Variants in ITGB2 observed in about 807,000 individuals in gnomAD.
ITGB2 encodes the protein integrin subunit beta 2.
Under a neutral mutation model 86.8 loss-of-function variants are expected in ITGB2, and 56 were observed. The observed-to-expected ratio is 0.65, with a 90% confidence interval of 0.52 to 0.81. ITGB2 has a LOEUF of 0.81. ITGB2 is among the 30% of genes least tolerant of loss of function. The pLI is 0.00. For missense variants in ITGB2, 948 were observed against 1,061.2 expected, an observed-to-expected ratio of 0.89 and a Z score of 1.48; for synonymous variants, 457 against 450.4, an observed-to-expected ratio of 1.01 and a Z score of -0.19.
chr21:44,917,763 C>T (rs2084233049), intron 1 of ITGB2, among the ~76,000 whole-genome samples: 1 of 152,228 alleles, frequency 6.6e-6, no homozygotes, highest in African/African-American at 2.4e-5. Flanking sequence ...ACACAGAAAC[C>T]TCCACCACTC....
chr21:44,900,208 A>G, intron 7 of ITGB2, 112 bp downstream of exon 7: 1 of 1,410,180 alleles, frequency 7.1e-7, no homozygotes, highest in South Asian at 1.2e-5. Context: ...TTTCCTCAGG[A>G]ATCTGCTCCT....
At chr21:44,892,042 G>T in intron 10 of ITGB2, 46 bp from the exon 11 acceptor site, 1 of 1,587,740 alleles carries the variant, frequency 6.3e-7, no homozygotes. Context: ...GGTGGCCAGG[G>T]TGGCAGCCCA....
At chr21:44,887,970 C>G (rs979938615) in intron 14 of ITGB2, among the ~76,000 whole-genome samples, 3 of 152,232 alleles carry the variant, frequency 2.0e-5, no homozygotes, top group Non-Finnish European at 2.9e-5. Flanking sequence ...AGCGGCCCCC[C>G]AGCCCCAGCC....
Position 44,910,331 on chromosome 21 carries a change from G to T in ITGB2, c.100C>A (p.Arg34=), listed in dbSNP as rs775878305. 5 of 1,614,126 alleles carry T rather than the reference G, an allele frequency of 3.1e-6. No homozygotes were observed. The highest frequency in any genetic ancestry group is 4.2e-6 in the Non-Finnish European group (5 of 1,180,004). ...CCGGGCCCCGACTCGATGCATTCCC[G>T]GCAGCTGCTGACCTTGAACTTCGTG... The part of the protein sequence containing the change: ...ECTKFKVSSC[R]ECIESGPGCT... Residue 34 remains arginine, a synonymous_variant, in exon 3 of 16, where the codon CGG becomes AGG. Coordinates refer to ENST00000652462, the MANE Select transcript of ITGB2 (RefSeq NM_000211.5).
At position 44,900,370 on chromosome 21, in the gene ITGB2, C is replaced by T. The variant is rs149483341; in HGVS notation, c.847G>A (p.Asp283Asn). ...GKLGAILTPN[D>N]GRCHLEDNLY... The stretch of plus-strand genomic sequence containing the variant: ...TTGTCCTCCAGGTGACAGCGGCCGT[C>T]GTTGGGGGTCAGGATGGCGCCCAGC... The change falls in exon 7 of 16, where the codon GAC becomes AAC. Residue 283 changes from aspartate (D) to asparagine (N), a missense_variant. By Grantham distance (23) the Asp-to-Asn change is conservative (BLOSUM62 1). Coordinates refer to ENST00000652462, the MANE Select transcript of ITGB2 (RefSeq NM_000211.5). 328 of 1,614,040 alleles carry T rather than the reference C, an allele frequency of 2.0e-4. 3 individuals are homozygous for T. The highest frequency in any genetic ancestry group is 6.4e-5 in the Non-Finnish European group (76 of 1,180,016).
intron 6 of ITGB2, 68 bp from the exon 7 acceptor site, chr21:44,900,543 G>C: frequency 6.3e-7 from 1 of 1,595,664 alleles, no homozygotes; most frequent in Non-Finnish European, 8.6e-7. Flanking sequence ...CTGGAGCAGA[G>C]GAGACGATGC....
Position 44,901,561 on chromosome 21 carries a change from C to A in ITGB2, c.672G>T (p.Gln224His), listed in dbSNP as rs1601305564. 1 of 1,614,170 alleles carries A rather than the reference C, an allele frequency of 6.2e-7. No individual in the cohort carries two copies. Among genetic ancestry groups the A allele is most frequent in the Non-Finnish European group, 8.5e-7 (1 of 1,180,064 alleles). The change falls in exon 6 of 16, where the codon CAG (glutamine) becomes CAT (histidine). Residue 224 changes from glutamine to histidine, a missense_variant. Gln to His is a conservative substitution (Grantham distance 24, BLOSUM62 0). Coordinates refer to ENST00000652462, the MANE Select transcript of ITGB2 (RefSeq NM_000211.5). The stretch of plus-strand genomic sequence containing the variant: ...GTGCATCCAGGTTTCCGGAAATCAG[C>A]TGCTTCCCGACCTCGGTCTGAAACT... ...SNQFQTEVGK[Q>H]LISGNLDAPE...
chr21:44,918,652 C>A (rs1479093991), intron 1 of ITGB2, among the ~76,000 whole-genome samples: 1 of 152,220 alleles, frequency 6.6e-6, no homozygotes, highest in East Asian at 1.9e-4. Context: ...TTCATGGGCA[C>A]CTCGCTGTCT....
At chr21:44,893,789 G>T in intron 9 of ITGB2, 1 of 508,648 alleles carries the variant, frequency 2.0e-6, no homozygotes. Context: ...CCTCAGGGGT[G>T]GGAGCTTCTG....
chr21:44,900,934 A>G (rs2329940), intron 6 of ITGB2, among the ~76,000 whole-genome samples: 18,995 of 152,210 alleles, frequency 0.12, 1,306 homozygotes, highest in East Asian at 0.26. Flanking sequence ...CTAGGCTGTG[A>G]CCTCACACTC....
chr21:44,891,757 C>G, intron 11 of ITGB2, 52 bp downstream of exon 11: 1 of 1,588,684 alleles, frequency 6.3e-7, no homozygotes, highest in Non-Finnish European at 8.5e-7. Flanking sequence ...CGACACCTGC[C>G]CTGTGGGGTG....
At chr21:44,906,140 CCCCTTCCCT>C (rs1323564884) in intron 4 of ITGB2, among the ~76,000 whole-genome samples, 78 of 139,618 alleles carry the variant, frequency 5.6e-4, no homozygotes, top group African/African-American at 9.0e-4. Flanking sequence ...TCCCTCCCTT[CCCCTTCCCT>C]CCCTTCCCTC....
At chr21:44,912,707 G>A (rs907343525) in intron 1 of ITGB2, among the ~76,000 whole-genome samples, 7 of 152,106 alleles carry the variant, frequency 4.6e-5, no homozygotes, top group African/African-American at 1.4e-4. Flanking sequence ...AAAGTCCTGC[G>A]CCTGGACTGA....
upstream of ITGB2, among the ~76,000 whole-genome samples, chr21:44,922,542 C>T (rs2084319841): frequency 6.6e-6 from 1 of 151,220 alleles, no homozygotes; most frequent in South Asian, 2.1e-4. Flanking sequence ...GGCATGGTAG[C>T]ACGCGATATG....
chr21:44,886,645 C>G, intron 15 of ITGB2, 91 bp downstream of exon 15: 1 of 1,558,152 alleles, frequency 6.4e-7, no homozygotes, highest in Non-Finnish European at 8.8e-7. Flanking sequence ...TGCAGCCACA[C>G]ACGGGTGTCC....
chr21:44,899,502 A>G (rs2838729), intron 7 of ITGB2, among the ~76,000 whole-genome samples: 80,316 of 152,036 alleles, frequency 0.53, 22,705 homozygotes, highest in African/African-American at 0.74. Flanking sequence ...GGTAGAGGCC[A>G]TGAGTGTCAG....
chr21:44,900,005 G>A (rs2146523064), intron 7 of ITGB2, among the ~76,000 whole-genome samples: 1 of 152,278 alleles, frequency 6.6e-6, no homozygotes, highest in South Asian at 2.1e-4. Flanking sequence ...GCCGTAGCCT[G>A]GGGGCGGTTA....
chr21:44,889,171 G>A (rs1351423066), intron 13 of ITGB2, 105 bp downstream of exon 13: 16 of 1,116,384 alleles, frequency 1.4e-5, no homozygotes, highest in African/African-American at 3.1e-5. Flanking sequence ...AGAGAACCCC[G>A]CGGTGCAGAG....
At chr21:44,889,192 G>T (rs1229440563) in intron 13 of ITGB2, 84 bp downstream of exon 13, 3 of 1,364,524 alleles carry the variant, frequency 2.2e-6, no homozygotes, top group East Asian at 2.3e-5. Context: ...GTGCTCACTG[G>T]GGTCCCCGAG....
Sources: gnomAD v4.1 joint callset for allele counts (sites outside exome capture counted in the v4.1 genomes callset) on GRCh38, gnomAD v4.1.1 for gene constraint, MANE v1.5 for transcripts, NCBI Gene and HGNC (gene_info 2026-07-23, HGNC 2026-07-21) for gene names.